MAPRE2: variants seen among roughly 807,000 people sequenced by gnomAD.
The protein encoded by MAPRE2 is microtubule-associated protein RP/EB family member 2.
A neutral mutation model predicts 43.2 loss-of-function variants in MAPRE2; 13 were observed. That is an observed-to-expected ratio of 0.30 (90% confidence interval 0.20 to 0.48). The LOEUF is 0.48. Ranked by LOEUF, MAPRE2 falls within the 20% of genes least tolerant of loss-of-function variation. The probability of loss-of-function intolerance (pLI) is 0.99; values close to 1 mark genes in which losing one functional copy is unlikely to be tolerated. For synonymous variants in MAPRE2, 135 were observed against 148.8 expected, an observed-to-expected ratio of 0.91 and a Z score of 0.68; for missense variants, 161 against 400.2, an observed-to-expected ratio of 0.40 and a Z score of 5.10.
At chr18:35,063,253 A>G (rs180911233) in intron 1 of MAPRE2, among the ~76,000 whole-genome samples, 17,827 of 151,734 alleles carry the variant, frequency 0.12, 1,701 homozygotes, top group East Asian at 0.25. Flanking sequence ...ACAGGCGCAC[A>G]CCACCACGCC....
At chr18:35,116,833 G>T (rs938217659) in intron 4 of MAPRE2, among the ~76,000 whole-genome samples, 1 of 152,178 alleles carries the variant, frequency 6.6e-6, no homozygotes, top group Non-Finnish European at 1.5e-5. Flanking sequence ...TCAAGGGGAG[G>T]CTATCATACA....
intron 1 of MAPRE2, among the ~76,000 whole-genome samples, chr18:35,051,493 C>T (rs1905933097): frequency 6.6e-6 from 1 of 152,190 alleles, no homozygotes; most frequent in Non-Finnish European, 1.5e-5. Flanking sequence ...TCAGCATGTA[C>T]CTATTTCCAG....
At chr18:35,051,260 G>C (rs903390251) in intron 1 of MAPRE2, among the ~76,000 whole-genome samples, 6 of 152,152 alleles carry the variant, frequency 3.9e-5, no homozygotes, top group Non-Finnish European at 8.8e-5. Flanking sequence ...GAAGAGCTCT[G>C]TGTTAGCCTA....
chr18:35,072,989 T>C (rs1907182654), intron 2 of MAPRE2, among the ~76,000 whole-genome samples: 1 of 152,174 alleles, frequency 6.6e-6, no homozygotes, highest in Admixed American at 6.5e-5. Flanking sequence ...TCTTTTATTT[T>C]AGGTAGCAGT....
intron 1 of MAPRE2, among the ~76,000 whole-genome samples, chr18:34,993,707 T>C (rs2097024975): frequency 6.6e-6 from 1 of 152,160 alleles, no homozygotes; most frequent in South Asian, 2.1e-4. Context: ...CAGGCCGTGG[T>C]GTTACTGTAC....
chr18:35,056,216 T>A (rs1209132396), intron 1 of MAPRE2, among the ~76,000 whole-genome samples: 1 of 152,128 alleles, frequency 6.6e-6, no homozygotes, highest in Non-Finnish European at 1.5e-5. Flanking sequence ...TAATGAAATA[T>A]TTTAACTTTA....
chr18:35,096,485 T>G (rs572290503), intron 2 of MAPRE2, among the ~76,000 whole-genome samples: 1 of 152,208 alleles, frequency 6.6e-6, no homozygotes, highest in Non-Finnish European at 1.5e-5. Flanking sequence ...GGTCATGTTC[T>G]AAGAGCTCTT....
intron 2 of MAPRE2, 58 bp from the exon 3 acceptor site, chr18:35,097,388 C>T (rs994784102): frequency 7.1e-6 from 11 of 1,542,394 alleles, no homozygotes; most frequent in African/African-American, 1.4e-5. Context: ...CCTAGCAGTC[C>T]TCTACCACAT....
intron 4 of MAPRE2, among the ~76,000 whole-genome samples, chr18:35,109,472 A>T (rs1280008662): frequency 3.3e-5 from 5 of 152,172 alleles, no homozygotes; most frequent in Non-Finnish European, 5.9e-5. Flanking sequence ...AATTTAAAAT[A>T]GTTTTTTACT....
In MAPRE2 at chr18:35,053,231, T is replaced by C. The variant is rs575468973; in HGVS notation, c.122+11570T>C. ...CAACATGGTGAAACCCCATCTCTAC[T>C]AAAAATACAAAAAATAGCTGGGAGT... On this transcript the variant is annotated intron_variant, in intron 1 of 6. Transcript: ENST00000300249. Among the ~76,000 whole-genome samples the C allele has an allele frequency of 1.2e-4, 19 of 152,044 alleles. No homozygotes were observed. The South Asian group carries it at 3.9e-3, about 32-fold the overall frequency.
At position 35,046,860 on chromosome 18, in the gene MAPRE2, C is replaced by A. The variant is rs138118622; in HGVS notation, c.122+5199C>A. ...TAATGAGACTGGTACTTAGCCCAGACAGTGGCTTTTATATTTGCAGATGCC... is the reference window on the plus strand; with the variant it reads ...TAATGAGACTGGTACTTAGCCCAGAAAGTGGCTTTTATATTTGCAGATGCC... On this transcript the variant is annotated intron_variant, in intron 1 of 6. Transcript: ENST00000300249. 5.8e-3 allele frequency among the ~76,000 whole-genome samples: 878 copies of A among 152,314 alleles called. 6 individuals are homozygous for A. Among genetic ancestry groups the A allele is most frequent in the African/African-American group, 0.02 (817 of 41,554 alleles).
At chr18:35,131,321 C>T (rs974317319) in intron 5 of MAPRE2, among the ~76,000 whole-genome samples, 1 of 152,188 alleles carries the variant, frequency 6.6e-6, no homozygotes, top group South Asian at 2.1e-4. Flanking sequence ...TCTCCATTTC[C>T]TGCAGAAGAT....
intron 2 of MAPRE2, among the ~76,000 whole-genome samples, chr18:35,084,938 C>G (rs1196723745): frequency 6.6e-6 from 1 of 152,130 alleles, no homozygotes; most frequent in African/African-American, 2.4e-5. Context: ...CAAAGTTCCC[C>G]TTAACAGACT....
At position 34,987,448 on chromosome 18, in the gene MAPRE2, GA is replaced by G. The variant is rs201867067; in HGVS notation, c.-70+10371del. 8.3e-3 allele frequency among the ~76,000 whole-genome samples: 1,271 copies of G among 152,240 alleles called. 11 individuals are homozygous for G. Among genetic ancestry groups the G allele is most frequent in the Non-Finnish European group, 0.013 (907 of 68,004 alleles). On this transcript the variant is annotated intron_variant, in intron 1 of 7. Transcript: ENST00000413393. ...TGCGTGTTGAAGTTTGAGAAGCCCT[GA>G]ACTAGAGGATTCACTTTTTCCACAC...
At chr18:35,115,752 C>A (rs1435535588) in intron 4 of MAPRE2, among the ~76,000 whole-genome samples, 1 of 152,150 alleles carries the variant, frequency 6.6e-6, no homozygotes, top group Non-Finnish European at 1.5e-5. Flanking sequence ...ATACCACATT[C>A]TCTTTATCCA....
At position 35,052,865 on chromosome 18, in the gene MAPRE2, G is replaced by A. The variant is rs147068393; in HGVS notation, c.122+11204G>A. 1.8e-4 allele frequency among the ~76,000 whole-genome samples: 27 copies of A among 152,178 alleles called. No individual in the cohort carries two copies. The East Asian group carries it at 4.8e-3, about 27-fold the overall frequency. ...CCATTTGTGTGTCTTCTGTAGTAAA[G>A]TGTTCAAATCTTTTTCCATTTAAAA... is the stretch of plus-strand genomic sequence containing the variant. On this transcript the variant is annotated intron_variant, in intron 1 of 6. Coordinates refer to ENST00000300249, the MANE Select transcript of MAPRE2 (RefSeq NM_014268.4).
intron 2 of MAPRE2, among the ~76,000 whole-genome samples, chr18:35,029,423 C>T (rs926117858): frequency 6.6e-6 from 1 of 152,162 alleles, no homozygotes; most frequent in Non-Finnish European, 1.5e-5. Flanking sequence ...CTTCCAATGT[C>T]CCTGGTTGCC....
chr18:35,111,862 G>A (rs375821031), intron 4 of MAPRE2, among the ~76,000 whole-genome samples: 5 of 152,262 alleles, frequency 3.3e-5, no homozygotes, highest in African/African-American at 1.2e-4. Flanking sequence ...GCCCTGTAGG[G>A]TGGGCACAGG....
At chr18:35,093,613 T>C (rs1160516889) in intron 2 of MAPRE2, among the ~76,000 whole-genome samples, 4 of 152,218 alleles carry the variant, frequency 2.6e-5, no homozygotes, top group Admixed American at 2.6e-4. Context: ...TTGTCATTTG[T>C]GGCCACATGG....
Sources: gnomAD v4.1 joint callset for allele counts (sites outside exome capture counted in the v4.1 genomes callset) on GRCh38, gnomAD v4.1.1 for gene constraint, MANE v1.5 for transcripts, NCBI Gene and HGNC (gene_info 2026-07-23, HGNC 2026-07-21) for gene names.